Variants in EFCAB5 observed in about 807,000 individuals in gnomAD.
EFCAB5 encodes the protein EF-hand calcium binding domain 5.
In EFCAB5, 131 loss-of-function variants were observed where a neutral mutation model predicts 167.9. The observed-to-expected ratio is 0.78, with a 90% CI of 0.68 to 0.90. EFCAB5 has a LOEUF of 0.90. Ranked by LOEUF, EFCAB5 falls within the 40% of genes least tolerant of loss-of-function variation. The pLI is 0.00. For missense variants in EFCAB5, 1,663 were observed against 1,745.2 expected, an observed-to-expected ratio of 0.95 and a Z score of 0.84; for synonymous variants, 574 against 602.8, an observed-to-expected ratio of 0.95 and a Z score of 0.70.
At chr17:30,040,479 G>A (rs2069740617) in intron 8 of EFCAB5, among the ~76,000 whole-genome samples, 1 of 152,158 alleles carries the variant, frequency 6.6e-6, no homozygotes, top group Non-Finnish European at 1.5e-5. Context: ...AGTTCAGATG[G>A]CTACCCTTTT....
At chr17:30,044,442 G>T (rs1013712360) in intron 8 of EFCAB5, among the ~76,000 whole-genome samples, 5 of 152,086 alleles carry the variant, frequency 3.3e-5, no homozygotes, top group African/African-American at 7.2e-5. Flanking sequence ...GCTGGGCGTT[G>T]TGGCCATACC....
At chr17:29,980,002 T>C (rs1258134730) in intron 4 of EFCAB5, among the ~76,000 whole-genome samples, 1 of 152,070 alleles carries the variant, frequency 6.6e-6, no homozygotes, top group Admixed American at 6.5e-5. Flanking sequence ...AACCCCCATC[T>C]CTACTAAAAA....
chr17:29,996,428 G>T, intron 6 of EFCAB5, 68 bp downstream of exon 6: 1 of 1,315,324 alleles, frequency 7.6e-7, no homozygotes. Flanking sequence ...ACTGAATTCA[G>T]ATGAAGAGTC....
chr17:30,007,823 C>CA (rs2068803633), intron 7 of EFCAB5, among the ~76,000 whole-genome samples: 1 of 152,084 alleles, frequency 6.6e-6, no homozygotes, highest in South Asian at 2.1e-4. Flanking sequence ...CCTGTCTGTA[C>CA]AAAAAATTAA....
intron 14 of EFCAB5, among the ~76,000 whole-genome samples, chr17:30,077,385 G>A (rs926912555): frequency 5.9e-5 from 9 of 152,172 alleles, no homozygotes; most frequent in African/African-American, 2.2e-4. Context: ...GTGTGCATGT[G>A]TGTGTGTGTA....
chr17:30,075,767 G>T (rs2070856768), intron 14 of EFCAB5, among the ~76,000 whole-genome samples: 1 of 152,196 alleles, frequency 6.6e-6, no homozygotes, highest in Non-Finnish European at 1.5e-5. Flanking sequence ...ACCCTGCACA[G>T]ATTTGGGCCC....
Position 29,999,886 on chromosome 17 carries a change from A to G in EFCAB5, c.974-20A>G, listed in dbSNP as rs1182264849. The G allele has an allele frequency of 1.4e-5, 22 of 1,548,546 alleles. No individual in the cohort carries two copies. Among genetic ancestry groups the G allele is most frequent in the Non-Finnish European group, 1.8e-5 (21 of 1,140,570 alleles). On this transcript the variant is annotated intron_variant, in intron 6 of 22. Coordinates refer to ENST00000394835, the MANE Select transcript of EFCAB5 (RefSeq NM_198529.4). Reference sequence around the variant, plus strand: ...ATTACAACCTAACTAACTAGCAAATAATCTTCATTCCATAAATAGGATCAC... The same window carrying G: ...ATTACAACCTAACTAACTAGCAAATGATCTTCATTCCATAAATAGGATCAC...
chr17:30,030,153 T>C (rs938153916), intron 7 of EFCAB5, among the ~76,000 whole-genome samples: 9 of 152,272 alleles, frequency 5.9e-5, no homozygotes, highest in South Asian at 2.1e-4. Flanking sequence ...TCTGTAATTA[T>C]CTGGAATTTG....
intron 8 of EFCAB5, among the ~76,000 whole-genome samples, chr17:30,035,242 A>G (rs2069585236): frequency 6.6e-6 from 1 of 152,212 alleles, no homozygotes; most frequent in Non-Finnish European, 1.5e-5. Flanking sequence ...GACAAGTGTC[A>G]AAGTTTTACT....
At chr17:30,070,077 A>G (rs1347453669) in intron 14 of EFCAB5, among the ~76,000 whole-genome samples, 5 of 152,218 alleles carry the variant, frequency 3.3e-5, no homozygotes, top group Non-Finnish European at 4.4e-5. Context: ...AGGGAAGAAC[A>G]TAGTTTAATA....
intron 22 of EFCAB5, among the ~76,000 whole-genome samples, chr17:30,095,086 G>A (rs188071708): frequency 3.5e-4 from 53 of 152,256 alleles, no homozygotes; most frequent in South Asian, 1.2e-3. Context: ...CATAACTGCT[G>A]CATGTCTCCC....
At chr17:30,003,101 G>C (rs900304797) in intron 7 of EFCAB5, among the ~76,000 whole-genome samples, 9 of 123,320 alleles carry the variant, frequency 7.3e-5, no homozygotes, top group African/African-American at 2.0e-4. Context: ...TTTTGTAGCG[G>C]GGGGGGGGTC....
intron 1 of EFCAB5, among the ~76,000 whole-genome samples, chr17:29,931,916 G>A (rs2067201222): frequency 6.6e-6 from 1 of 152,260 alleles, no homozygotes; most frequent in South Asian, 2.1e-4. Flanking sequence ...AAATTCTTTT[G>A]GAAGATGAAA....
At chr17:29,968,566 C>T (rs968873948) in intron 3 of EFCAB5, among the ~76,000 whole-genome samples, 1 of 152,116 alleles carries the variant, frequency 6.6e-6, no homozygotes, top group Non-Finnish European at 1.5e-5. Context: ...AAACAGCCTA[C>T]GTATTTAATG....
chr17:30,036,605 T>C (rs2069637516), intron 8 of EFCAB5, among the ~76,000 whole-genome samples: 1 of 151,802 alleles, frequency 6.6e-6, no homozygotes, highest in African/African-American at 2.4e-5. Flanking sequence ...AATTTTTAAA[T>C]TTTTTAGAAA....
chr17:30,085,909 A>G (rs1310713229), intron 18 of EFCAB5, among the ~76,000 whole-genome samples: 2 of 152,198 alleles, frequency 1.3e-5, no homozygotes, highest in African/African-American at 2.4e-5. Flanking sequence ...ATTACAAAAC[A>G]GCTGTTCCTC....
rs775075013 is a variant in EFCAB5, at chr17:30,044,222, C to A, written c.1201-6896C>A. ...AATTATTTATCAGATAAATAATCAT[C>A]AATTTTTCATGCAAACTGAAGCCAC... On this transcript the variant is annotated intron_variant, in intron 8 of 22. Transcript: ENST00000394835. 2.6e-5 allele frequency among the ~76,000 whole-genome samples: 4 copies of A among 152,136 alleles called. No homozygotes were observed. The East Asian group carries it at 7.7e-4, about 29-fold the overall frequency.
intron 20 of EFCAB5, among the ~76,000 whole-genome samples, chr17:30,091,178 T>A (rs1006046737): frequency 6.6e-6 from 1 of 152,154 alleles, no homozygotes; most frequent in Non-Finnish European, 1.5e-5. Flanking sequence ...TGCTAAAGAC[T>A]GCAAAAGTAA....
intron 3 of EFCAB5, among the ~76,000 whole-genome samples, chr17:29,943,959 C>A (rs866013943): frequency 6.6e-6 from 1 of 151,886 alleles, no homozygotes; most frequent in Non-Finnish European, 1.5e-5. Flanking sequence ...GGTGACAGAG[C>A]GAAACTCCAT....
Sources: gnomAD v4.1 joint callset for allele counts (sites outside exome capture counted in the v4.1 genomes callset) on GRCh38, gnomAD v4.1.1 for gene constraint, MANE v1.5 for transcripts, NCBI Gene and HGNC (gene_info 2026-07-23, HGNC 2026-07-21) for gene names.